ABL1: variants seen among roughly 807,000 people sequenced by gnomAD.
ABL1 encodes the protein tyrosine-protein kinase ABL1.
A neutral mutation model predicts 94.7 loss-of-function variants in ABL1; 11 were observed. That is an observed-to-expected ratio of 0.12 (90% CI 0.07 to 0.19). The LOEUF is 0.19. Ranked by LOEUF, ABL1 falls within the 10% of genes least tolerant of loss-of-function variation. ABL1 has a pLI of 1.00. For missense variants in ABL1, 1,082 were observed against 1,489.4 expected (o/e 0.73, Z 4.50); for synonymous variants, 656 against 622.4 (o/e 1.05, Z -0.80).
At chr9:130,809,403 AGAGAGAGAGAGAGAGT>A (rs1317788111) in intron 1 of ABL1, among the ~76,000 whole-genome samples, 5,885 of 131,314 alleles carry the variant, frequency 0.045, 164 homozygotes, top group Admixed American at 0.12. Flanking sequence ...AGAGAGAGAG[AGAGAGAGAGAGAGAGT>A]GTGTGTGTGT....
intron 4 of ABL1, among the ~76,000 whole-genome samples, chr9:130,867,001 T>A (rs1831168232): frequency 6.6e-6 from 1 of 152,210 alleles, no homozygotes; most frequent in South Asian, 2.1e-4. Flanking sequence ...TTTAATGAAC[T>A]GTATTCAGAG....
chr9:130,866,066 A>C (rs961438752), intron 4 of ABL1, among the ~76,000 whole-genome samples: 2 of 152,144 alleles, frequency 1.3e-5, no homozygotes, highest in South Asian at 4.1e-4. Context: ...TATAGTGTGG[A>C]TATTCCCCAA....
At chr9:130,819,266 C>T (rs1349850694) in intron 1 of ABL1, among the ~76,000 whole-genome samples, 2 of 152,070 alleles carry the variant, frequency 1.3e-5, no homozygotes, top group Non-Finnish European at 2.9e-5. Flanking sequence ...GCAGGAGAAT[C>T]GCTTGAACCC....
chr9:130,827,035 G>A (rs1472048674), intron 1 of ABL1, among the ~76,000 whole-genome samples: 3 of 151,994 alleles, frequency 2.0e-5, no homozygotes, highest in African/African-American at 4.8e-5. Flanking sequence ...CCGAGATGGC[G>A]CCACTGCACT....
intron 1 of ABL1, among the ~76,000 whole-genome samples, chr9:130,838,217 G>A (rs1482696517): frequency 6.6e-6 from 1 of 152,156 alleles, no homozygotes. Context: ...ACTGGAATTT[G>A]AACTCATGCT....
At chr9:130,786,379 CTG>C (rs1289894390) in intron 1 of ABL1, among the ~76,000 whole-genome samples, 1 of 152,172 alleles carries the variant, frequency 6.6e-6, no homozygotes, top group Non-Finnish European at 1.5e-5. Context: ...ACAGCTTTGG[CTG>C]TGTGTGAGTT....
At chr9:130,769,459 G>A (rs905036462) in intron 1 of ABL1, among the ~76,000 whole-genome samples, 5 of 150,780 alleles carry the variant, frequency 3.3e-5, no homozygotes, top group Admixed American at 2.7e-4. Context: ...AGCCTGCCAG[G>A]TAGCTGGGAT....
intron 1 of ABL1, among the ~76,000 whole-genome samples, chr9:130,808,234 TC>T (rs1564296057): frequency 7.8e-5 from 11 of 141,834 alleles, no homozygotes; most frequent in Admixed American, 2.1e-4. Flanking sequence ...TTCTTCTTCT[TC>T]TTCTTCTTCT....
At chr9:130,876,411 C>CTTTTCTT (rs551811548) in intron 7 of ABL1, among the ~76,000 whole-genome samples, 12 of 142,526 alleles carry the variant, frequency 8.4e-5, no homozygotes, top group African/African-American at 1.6e-4. Flanking sequence ...ATTACTTTTT[C>CTTTTCTT]TTTTTTTTTT....
intron 1 of ABL1, among the ~76,000 whole-genome samples, chr9:130,758,554 T>C (rs564440133): frequency 1.0e-3 from 159 of 152,290 alleles, no homozygotes; most frequent in African/African-American, 3.7e-3. Flanking sequence ...TGCCTCAGCC[T>C]CCCAAGTAGC....
At chr9:130,749,938 C>A (rs2132725222) in intron 1 of ABL1, among the ~76,000 whole-genome samples, 1 of 152,020 alleles carries the variant, frequency 6.6e-6, no homozygotes, top group Non-Finnish European at 1.5e-5. Context: ...CTTTGGGAGG[C>A]TGAGGCGGGA....
At chr9:130,774,596 G>A (rs1397665809) in intron 1 of ABL1, among the ~76,000 whole-genome samples, 2 of 152,154 alleles carry the variant, frequency 1.3e-5, no homozygotes, top group Non-Finnish European at 2.9e-5. Context: ...GGCTGAGGTG[G>A]GCGGATTGCC....
intron 1 of ABL1, among the ~76,000 whole-genome samples, chr9:130,781,119 T>C (rs1829749498): frequency 6.6e-6 from 1 of 152,188 alleles, no homozygotes; most frequent in Admixed American, 6.5e-5. Flanking sequence ...AAACAGAAAC[T>C]TGGAATGAAA....
upstream of ABL1, among the ~76,000 whole-genome samples, chr9:130,832,127 A>ATTT (rs11442726): frequency 7.0e-6 from 1 of 141,958 alleles, no homozygotes; most frequent in Non-Finnish European, 1.5e-5. Flanking sequence ...CCTTCTAAAT[A>ATTT]TTTTTTTTTT....
chr9:130,857,756 A>G (rs1381985303), intron 3 of ABL1, among the ~76,000 whole-genome samples: 2 of 151,856 alleles, frequency 1.3e-5, no homozygotes, highest in African/African-American at 4.8e-5. Context: ...CCTATTGCCC[A>G]TATCTGATGC....
chr9:130,871,170 C>T (rs35160085), intron 4 of ABL1, among the ~76,000 whole-genome samples: 19 of 152,292 alleles, frequency 1.2e-4, no homozygotes, highest in Non-Finnish European at 2.1e-4. Flanking sequence ...GCCAGGTTTT[C>T]GCAGCAAACA....
chr9:130,771,752 C>CTTTCTTTCTTTCTTTCTTT (rs530081755), intron 1 of ABL1, among the ~76,000 whole-genome samples: 2 of 106,920 alleles, frequency 1.9e-5, no homozygotes, highest in Non-Finnish European at 3.8e-5. Flanking sequence ...TTCTTTCTTT[C>CTTTCTTTCTTTCTTTCTTT]TTTTTTTTTT....
At chr9:130,860,780 G>A (rs1482095054) in intron 3 of ABL1, among the ~76,000 whole-genome samples, 1 of 152,232 alleles carries the variant, frequency 6.6e-6, no homozygotes, top group Non-Finnish European at 1.5e-5. Context: ...GCTAACGTGA[G>A]AACAGGGGTT....
chr9:130,816,144 T>G (rs1830283568), intron 1 of ABL1, among the ~76,000 whole-genome samples: 1 of 152,276 alleles, frequency 6.6e-6, no homozygotes, highest in African/African-American at 2.4e-5. Context: ...TTGCTGACTC[T>G]GTTCCTTCCA....
Sources: allele counts gnomAD v4.1 joint callset (sites outside exome capture counted in the v4.1 genomes callset), GRCh38; gene constraint gnomAD v4.1.1; transcripts MANE v1.5; gene names NCBI Gene and HGNC (gene_info 2026-07-23, HGNC 2026-07-21).